The following SEC61G variants were observed in gnomAD, a reference collection of about 807,000 sequenced individuals.
SEC61G encodes the protein SEC61 translocon subunit gamma.
A neutral mutation model predicts 7.5 loss-of-function variants in SEC61G; 4 were observed. The ratio of observed to expected loss-of-function variants is 0.54; its 90% CI spans 0.26 to 1.22. SEC61G has a LOEUF of 1.22. Ranked by LOEUF, SEC61G falls within the 50% of genes most tolerant of loss-of-function variation. The pLI is 0.12. For synonymous variants in SEC61G, 24 were observed against 24.4 expected (o/e 0.98, Z 0.05); for missense variants, 53 against 84.6 (o/e 0.63, Z 1.46).
chr7:54,758,497 T>C (rs1251443658), intron 1 of SEC61G, among the ~76,000 whole-genome samples: 3 of 152,112 alleles, frequency 2.0e-5, no homozygotes, highest in Non-Finnish European at 4.4e-5. Context: ...AATGAAATAA[T>C]GTCAATGAAA....
At chr7:54,757,204 T>C (rs1465960115) in intron 2 of SEC61G, among the ~76,000 whole-genome samples, 1 of 151,960 alleles carries the variant, frequency 6.6e-6, no homozygotes, top group African/African-American at 2.4e-5. Flanking sequence ...CTTCAAAGCT[T>C]TTCCAAAGAG....
Position 54,753,583 on chromosome 7 carries a change from C to T in SEC61G, c.198-1163G>A, listed in dbSNP as rs115179736. Among the ~76,000 whole-genome samples, 1,277 of 152,232 alleles carry T rather than the reference C, an allele frequency of 8.4e-3. 21 individuals carry two copies. Among genetic ancestry groups the T allele is most frequent in the African/African-American group, 0.03 (1,228 of 41,538 alleles). On this transcript the variant is annotated intron_variant, in intron 3 of 3. Coordinates refer to ENST00000352861, the MANE Select transcript of SEC61G (RefSeq NM_014302.4). ...TCTTTCAAGCAGGGAAAGCAAGATT[C>T]CTTTCAGTTTTACAGCTGTCCTGGC...
intron 1 of SEC61G, among the ~76,000 whole-genome samples, chr7:54,757,903 G>C (rs1791552051): frequency 6.6e-6 from 1 of 152,154 alleles, no homozygotes; most frequent in Non-Finnish European, 1.5e-5. Context: ...TTACGCAATT[G>C]GTAACACATC....
rs181873894 is a variant in SEC61G, at chr7:54,756,958, C to T, written c.94+537G>A. On this transcript the variant is annotated intron_variant, in intron 2 of 3. Transcript: ENST00000352861. Reference sequence around the variant, plus strand: ...TACTATATACTATACTATATATATACTATATACTATATATACTATATACTA... The same window carrying T: ...TACTATATACTATACTATATATATATTATATACTATATATACTATATACTA... Among the ~76,000 whole-genome samples, 1,144 of 142,918 alleles carry T rather than the reference C, an allele frequency of 8.0e-3. 12 individuals carry two copies. The highest frequency in any genetic ancestry group is 0.022 in the Middle Eastern group (6 of 270). The allele number at this position is 142,918 out of a possible 152,430, so 93.8% of individuals were successfully genotyped here.
chr7:54,757,289 TA>T (rs1425090158), intron 2 of SEC61G, among the ~76,000 whole-genome samples: 1 of 152,068 alleles, frequency 6.6e-6, no homozygotes, highest in African/African-American at 2.4e-5. Flanking sequence ...CTGTAATAAA[TA>T]ATCTTACACC....
chr7:54,758,874 C>T (rs1791576832), intron 1 of SEC61G, among the ~76,000 whole-genome samples: 1 of 152,116 alleles, frequency 6.6e-6, no homozygotes, highest in African/African-American at 2.4e-5. Context: ...TCATCTTTGG[C>T]TGCAGCACAG....
At chr7:54,757,003 T>C (rs1791533744) in intron 2 of SEC61G, among the ~76,000 whole-genome samples, 1 of 147,800 alleles carries the variant, frequency 6.8e-6, no homozygotes, top group South Asian at 2.1e-4. Flanking sequence ...TTATATACTA[T>C]ATACTATATT....
At position 54,757,609 on chromosome 7, in the gene SEC61G, A is replaced by G; in HGVS notation, c.-6-15T>C. ...TCCATGACTGCCTGTTTAAAACAAA[A>G]AAGATACTCACTGGTATTGGTTCTC... On this transcript the variant is annotated splice_polypyrimidine_tract_variant and intron_variant, in intron 1 of 3. Transcript: ENST00000352861. 6.2e-7 allele frequency: 1 copy of G among 1,602,858 alleles called. No individual in the cohort carries two copies. The highest frequency in any genetic ancestry group is 8.5e-7 in the Non-Finnish European group (1 of 1,170,036).
At chr7:54,755,658 T>C (rs1434818450) in intron 3 of SEC61G, 121 bp downstream of exon 3, 2 of 479,506 alleles carry the variant, frequency 4.2e-6, no homozygotes, top group Non-Finnish European at 7.4e-6. Context: ...TAAATATCAG[T>C]AGACTCCAAC....
intron 3 of SEC61G, chr7:54,755,093 T>A (rs943035273): frequency 2.7e-5 from 4 of 149,556 alleles, no homozygotes; most frequent in African/African-American, 9.7e-5. Flanking sequence ...TGACTTGTAA[T>A]GAATTTAAAA....
intron 1 of SEC61G, among the ~76,000 whole-genome samples, chr7:54,758,384 A>G (rs533600495): frequency 4.5e-4 from 68 of 152,294 alleles, no homozygotes; most frequent in Non-Finnish European, 9.0e-4. Flanking sequence ...CTCCATTTCC[A>G]GTACTCAGAA....
At chr7:54,757,985 T>A (rs767732493) in intron 1 of SEC61G, among the ~76,000 whole-genome samples, 4 of 152,332 alleles carry the variant, frequency 2.6e-5, no homozygotes, top group East Asian at 3.9e-4. Flanking sequence ...TAAGGAACCA[T>A]CAGTGTTGAG....
chr7:54,755,506 A>T (rs534284843), intron 3 of SEC61G: 1 of 236,838 alleles, frequency 4.2e-6, no homozygotes, highest in East Asian at 8.1e-5. Flanking sequence ...TTAGGTTTCA[A>T]TGCTGGCTTT....
intron 3 of SEC61G, 65 bp from the exon 4 acceptor site, chr7:54,752,485 G>A: frequency 9.4e-7 from 1 of 1,069,266 alleles, no homozygotes; most frequent in Non-Finnish European, 1.4e-6. Flanking sequence ...ATTATTATTT[G>A]AAATGCAATA....
chr7:54,753,546 C>A (rs1204258336), intron 3 of SEC61G, among the ~76,000 whole-genome samples: 1 of 152,072 alleles, frequency 6.6e-6, no homozygotes, highest in Non-Finnish European at 1.5e-5. Context: ...ATGATTTAAA[C>A]AATGATTATC....
In SEC61G at chr7:54,756,966, T is replaced by C. The variant is rs566623998; in HGVS notation, c.94+529A>G. On this transcript the variant is annotated intron_variant, in intron 2 of 3. Coordinates refer to ENST00000352861, the MANE Select transcript of SEC61G (RefSeq NM_014302.4). Reference sequence around the variant, plus strand: ...ACTATACTATATATATACTATATACTATATATACTATATACTATATACTAT... The same window carrying C: ...ACTATACTATATATATACTATATACCATATATACTATATACTATATACTAT... 2.1e-5 allele frequency among the ~76,000 whole-genome samples: 3 copies of C among 140,086 alleles called. No homozygotes were observed. The East Asian group carries it at 6.2e-4, about 29-fold the overall frequency. 91.9% of individuals were successfully genotyped at this position (140,086 alleles called of 152,430 possible).
At chr7:54,753,464 A>G (rs1420466915) in intron 3 of SEC61G, among the ~76,000 whole-genome samples, 1 of 150,736 alleles carries the variant, frequency 6.6e-6, no homozygotes, top group Non-Finnish European at 1.5e-5. Context: ...TTAGAAAAAA[A>G]AGAAGAAAAA....
chr7:54,759,101 A>G (rs1028885726), intron 1 of SEC61G, 57 bp downstream of exon 1: 1 of 485,648 alleles, frequency 2.1e-6, no homozygotes, highest in East Asian at 6.1e-5. Context: ...TGCCCCCAAG[A>G]GTCGCAAAGG....
intron 3 of SEC61G, among the ~76,000 whole-genome samples, chr7:54,753,458 A>G (rs535188290): frequency 6.6e-6 from 1 of 152,158 alleles, no homozygotes; most frequent in East Asian, 1.9e-4. Flanking sequence ...CTATACTTAG[A>G]AAAAAAAGAA....
Sources: gnomAD v4.1 joint callset for allele counts (sites outside exome capture counted in the v4.1 genomes callset) on GRCh38, gnomAD v4.1.1 for gene constraint, MANE v1.5 for transcripts, NCBI Gene and HGNC (gene_info 2026-07-23, HGNC 2026-07-21) for gene names.